COMMD7: variants seen among roughly 807,000 people sequenced by gnomAD.
COMMD7 encodes the protein COMM domain containing 7.
In COMMD7, 28 loss-of-function variants were observed where a neutral mutation model predicts 34.8. That is an observed-to-expected ratio of 0.80 (90% CI 0.60 to 1.10). The LOEUF is 1.10. Among genes scored for constraint, COMMD7 ranks in the 50% least tolerant of loss-of-function variants. COMMD7 has a pLI of 0.00. For missense variants in COMMD7, 211 were observed against 241.6 expected, an observed-to-expected ratio of 0.87 and a Z score of 0.84; for synonymous variants, 80 against 86.4, an observed-to-expected ratio of 0.93 and a Z score of 0.41.
At chr20:32,732,824 T>C (rs1985915018) in intron 1 of COMMD7, among the ~76,000 whole-genome samples, 1 of 149,300 alleles carries the variant, frequency 6.7e-6, no homozygotes, top group Non-Finnish European at 1.5e-5. Context: ...TAGTCCCAGC[T>C]ACTCGGGAGG....
At chr20:32,740,574 C>T (rs551894919) in intron 1 of COMMD7, among the ~76,000 whole-genome samples, 101 of 151,950 alleles carry the variant, frequency 6.6e-4, no homozygotes, top group African/African-American at 2.3e-3. Context: ...CACAGAAATC[C>T]GCGCCCAGCC....
At chr20:32,705,341 T>C (rs1984004935) in intron 5 of COMMD7, among the ~76,000 whole-genome samples, 1 of 142,752 alleles carries the variant, frequency 7.0e-6, no homozygotes, top group Non-Finnish European at 1.5e-5. Context: ...TATATATGTA[T>C]ATATATATGT....
At chr20:32,743,075 C>G (rs1236046000) in intron 1 of COMMD7, among the ~76,000 whole-genome samples, 1 of 152,126 alleles carries the variant, frequency 6.6e-6, no homozygotes, top group East Asian at 1.9e-4. Flanking sequence ...GCCTTTCGGA[C>G]CCCTCAGGTG....
At chr20:32,707,405 C>T (rs1027409455) in intron 3 of COMMD7, among the ~76,000 whole-genome samples, 2 of 151,380 alleles carry the variant, frequency 1.3e-5, no homozygotes, top group African/African-American at 4.8e-5. Context: ...CTGCAACCTA[C>T]ACCTCCTGGG....
At chr20:32,740,353 G>A (rs1986371879) in intron 1 of COMMD7, among the ~76,000 whole-genome samples, 1 of 151,702 alleles carries the variant, frequency 6.6e-6, no homozygotes, top group Non-Finnish European at 1.5e-5. Flanking sequence ...ACTTTAAGAT[G>A]TGCCGTAAGT....
chr20:32,733,590 C>T (rs550449573), intron 1 of COMMD7, among the ~76,000 whole-genome samples: 1 of 151,834 alleles, frequency 6.6e-6, no homozygotes, highest in Non-Finnish European at 1.5e-5. Flanking sequence ...TGTGGTGGCA[C>T]GTGCCTATAA....
intron 1 of COMMD7, among the ~76,000 whole-genome samples, chr20:32,742,744 A>T (rs1036898036): frequency 4.6e-5 from 7 of 152,068 alleles, no homozygotes; most frequent in African/African-American, 1.7e-4. Context: ...ACAGAGCCCC[A>T]GTGGGGCCTG....
chr20:32,728,275 A>G, intron 1 of COMMD7, 133 bp from the exon 2 acceptor site: 1 of 764,270 alleles, frequency 1.3e-6, no homozygotes, highest in Non-Finnish European at 2.2e-6. Context: ...TGATCATCCT[A>G]TAGTTACAAA....
rs551512854 is a variant in COMMD7 at position 32,703,215 on chromosome 20, T to C, written c.*167A>G. 1.2e-4 allele frequency: 69 copies of C among 566,506 alleles called. 2 individuals carry two copies. In the South Asian group the frequency reaches 1.6e-3, roughly 14 times the overall value. The allele number at this position is 566,506 out of a possible 1,614,324, so 35.1% of individuals were successfully genotyped here. A position where few individuals can be genotyped will look rare whatever the true frequency, so the allele number is the denominator to read the frequency against. ...GGGTAATTGTGTTGGGCTCTTTCAG[T>C]ACTTAATCCTGCTGTTTTTCAGAAA... On this transcript the variant is annotated 3_prime_UTR_variant, in exon 9 of 9. Transcript: ENST00000278980.
intron 1 of COMMD7, among the ~76,000 whole-genome samples, chr20:32,742,183 T>C (rs1234541279): frequency 1.3e-5 from 2 of 151,640 alleles, no homozygotes; most frequent in African/African-American, 2.4e-5. Flanking sequence ...TGAGACTACG[T>C]CTCAAAAAAA....
intron 3 of COMMD7, among the ~76,000 whole-genome samples, chr20:32,717,700 GAT>G (rs1410193639): frequency 1.3e-5 from 2 of 152,100 alleles, no homozygotes; most frequent in South Asian, 2.1e-4. Flanking sequence ...GGCCTCAAGA[GAT>G]TCTCCCCCTT....
chr20:32,727,893 C>T lies in COMMD7; in HGVS notation c.241G>A (p.Gly81Ser), dbSNP rs199511259. ...ACAGCTGCTAAGAGAGGTTACTCAC[C>T]ATTTGGAACCAGAAGGAGGCTTTTC... ...IVKSLLLVPN[G>S]ALKKSLTAKQ... The change falls in exon 3 of 9, where the codon GGT (glycine) becomes AGT (serine). Residue 81 changes from glycine to serine, a missense_variant and splice_region_variant. By Grantham distance (56) the Gly-to-Ser change is moderately conservative (BLOSUM62 0). Transcript: ENST00000278980. 8 of 1,608,406 alleles carry T rather than the reference C, an allele frequency of 5.0e-6. No homozygotes were observed. Among genetic ancestry groups the T allele is most frequent in the African/African-American group, 1.3e-5 (1 of 74,886 alleles).
At chr20:32,740,673 A>T (rs571740675) in intron 1 of COMMD7, among the ~76,000 whole-genome samples, 2 of 152,210 alleles carry the variant, frequency 1.3e-5, no homozygotes, top group African/African-American at 4.8e-5. Flanking sequence ...CTCTGTCTTT[A>T]CAAAAAATAC....
intron 5 of COMMD7, among the ~76,000 whole-genome samples, chr20:32,705,605 C>T (rs1026014691): frequency 6.6e-6 from 1 of 151,992 alleles, no homozygotes; most frequent in African/African-American, 2.4e-5. Context: ...GATCTCCTGA[C>T]CTCGTGATCC....
intron 3 of COMMD7, among the ~76,000 whole-genome samples, chr20:32,712,949 G>T (rs915352837): frequency 6.6e-6 from 1 of 151,336 alleles, no homozygotes; most frequent in Non-Finnish European, 1.5e-5. Context: ...GACCAGGATG[G>T]TCTCGATCTC....
Position 32,703,407 on chromosome 20 carries a change from C to T in COMMD7, c.578G>A (p.Arg193Lys). ...TCAGCAGAAACACTCCATGCTGGTTCTGACTCGCTCCATCTCGTGCAGGAA... is the reference window on the plus strand; with the variant it reads ...TCAGCAGAAACACTCCATGCTGGTTTTGACTCGCTCCATCTCGTGCAGGAA... ...YSFLHEMERVRTSMECFC is the reference protein window; with the variant it reads ...YSFLHEMERVKTSMECFC The change falls in exon 9 of 9, where the codon AGA (arginine) becomes AAA (lysine). Residue 193 changes from arginine to lysine, a missense_variant. Coordinates refer to ENST00000278980, the MANE Select transcript of COMMD7 (RefSeq NM_053041.3). 6.2e-7 allele frequency: 1 copy of T among 1,614,034 alleles called. No individual in the cohort carries two copies. The highest frequency in any genetic ancestry group is 8.5e-7 in the Non-Finnish European group (1 of 1,180,018).
intron 3 of COMMD7, among the ~76,000 whole-genome samples, chr20:32,723,045 A>AAATAATAAT (rs769702109): frequency 4.7e-4 from 19 of 40,390 alleles, no homozygotes; most frequent in East Asian, 8.8e-4. Flanking sequence ...ATAAATAAAT[A>AAATAATAAT]AATAATAATA....
At chr20:32,736,901 C>T (rs1185562240) in intron 1 of COMMD7, among the ~76,000 whole-genome samples, 1 of 152,082 alleles carries the variant, frequency 6.6e-6, no homozygotes, top group Non-Finnish European at 1.5e-5. Context: ...TTAGCCAGAG[C>T]TGGGCACCAT....
intron 6 of COMMD7, 44 bp downstream of exon 6, chr20:32,704,770 C>G: frequency 6.9e-7 from 1 of 1,456,882 alleles, no homozygotes; most frequent in Non-Finnish European, 9.6e-7. Context: ...TGCACCCCAA[C>G]CCTGTACCAC....
Sources: gnomAD v4.1 joint callset for allele counts (sites outside exome capture counted in the v4.1 genomes callset) on GRCh38, gnomAD v4.1.1 for gene constraint, MANE v1.5 for transcripts, NCBI Gene and HGNC (gene_info 2026-07-23, HGNC 2026-07-21) for gene names.